The following TRDN variants were observed in gnomAD, a reference collection of about 807,000 sequenced individuals.
TRDN encodes triadin, also known as triadin in skeletal muscle.
TRDN carries 161 observed loss-of-function variants against 149.7 expected under a neutral mutation model. That is an observed-to-expected ratio of 1.08 (90% CI 0.95 to 1.23). TRDN has a LOEUF of 1.23. TRDN is among the 50% of genes most tolerant of loss of function. TRDN has a pLI of 0.00. For synonymous variants in TRDN, 294 were observed against 250.5 expected, an observed-to-expected ratio of 1.17 and a Z score of -1.64; for missense variants, 896 against 823.5, an observed-to-expected ratio of 1.09 and a Z score of -1.08.
intron 9 of TRDN, chr6:123,468,767 G>A (rs1322781319): frequency 6.6e-6 from 1 of 152,098 alleles, no homozygotes; most frequent in Non-Finnish European, 1.5e-5. Context: ...TGTAACAAAT[G>A]TTAAGGCTGT....
intron 20 of TRDN, among the ~76,000 whole-genome samples, chr6:123,364,924 C>T (rs1261520635): frequency 2.0e-5 from 3 of 152,220 alleles, no homozygotes; most frequent in Admixed American, 6.5e-5. Context: ...AAGTTTAACC[C>T]ACATTTCACT....
At chr6:123,603,046 A>G (rs1784351220) in intron 1 of TRDN, among the ~76,000 whole-genome samples, 1 of 146,430 alleles carries the variant, frequency 6.8e-6, no homozygotes, top group Middle Eastern at 3.8e-3. Context: ...TAAATTTCAG[A>G]TATTCAGAAC....
chr6:123,539,384 A>G (rs992042962), intron 4 of TRDN, among the ~76,000 whole-genome samples: 6 of 152,196 alleles, frequency 3.9e-5, no homozygotes, highest in African/African-American at 1.4e-4. Context: ...GCTCTAGTCC[A>G]GATGAAACTC....
chr6:123,234,014 G>T lies in TRDN; in HGVS notation c.1976-9883C>A, dbSNP rs1366578988. On this transcript the variant is annotated intron_variant, in intron 38 of 40. Coordinates refer to ENST00000334268, the MANE Select transcript of TRDN (RefSeq NM_006073.4). ...CTTAATCTACCCAAAATTTCTATGA[G>T]ATGAATATTATTATTCAAAATTTAA... Among the ~76,000 whole-genome samples the T allele has an allele frequency of 7.9e-5, 12 of 151,932 alleles. 1 individual carries two copies. Among genetic ancestry groups the T allele is most frequent in the Non-Finnish European group, 4.4e-5 (3 of 67,984 alleles).
chr6:123,339,124 C>T (rs1779976743), intron 21 of TRDN, among the ~76,000 whole-genome samples: 1 of 151,960 alleles, frequency 6.6e-6, no homozygotes. Flanking sequence ...CCTGCCTCAG[C>T]CTCCCAAGTA....
In TRDN at chr6:123,388,544, A is replaced by G; in HGVS notation, c.1113T>C (p.Ala371=). ...GTVKIAAQAA[A]KKDEKKEDSK... is the part of the protein sequence containing the mutation. ...TACCTTCCTTCTTTTCATCCTTCTT[A>G]GCTGCTGCTGAAGTAATGAAAATAG... Residue 371 remains alanine, a synonymous_variant, in exon 14 of 41, where the codon GCT becomes GCC. Coordinates refer to ENST00000334268, the MANE Select transcript of TRDN (RefSeq NM_006073.4). The G allele has an allele frequency of 6.3e-7, 1 of 1,586,314 alleles. No homozygotes were observed. The highest frequency in any genetic ancestry group is 1.1e-5 in the South Asian group (1 of 87,278).
At chr6:123,232,210 A>C (rs1000448880) in intron 38 of TRDN, among the ~76,000 whole-genome samples, 1 of 41,282 alleles carries the variant, frequency 2.4e-5, no homozygotes, top group Non-Finnish European at 5.3e-5. Flanking sequence ...AATAGACTGA[A>C]AAAAAAAAAT....
chr6:123,438,299 G>T (rs1342997905), intron 11 of TRDN, among the ~76,000 whole-genome samples, 177 bp from the exon 12 acceptor site: 1 of 151,008 alleles, frequency 6.6e-6, no homozygotes, highest in Admixed American at 6.6e-5. Context: ...AGTGGCTTAG[G>T]TATAATTTCT....
chr6:123,384,750 T>C (rs1057334933), intron 14 of TRDN, among the ~76,000 whole-genome samples: 1 of 152,204 alleles, frequency 6.6e-6, no homozygotes, highest in African/African-American at 2.4e-5. Context: ...GATAAAGTTA[T>C]GTATTTTCTT....
intron 4 of TRDN, among the ~76,000 whole-genome samples, chr6:123,542,296 C>T (rs955579421): frequency 2.0e-5 from 3 of 152,132 alleles, no homozygotes; most frequent in African/African-American, 7.2e-5. Flanking sequence ...GGAAATTAAA[C>T]ATAATGTAGA....
intron 12 of TRDN, among the ~76,000 whole-genome samples, chr6:123,403,235 A>T (rs1773055474): frequency 6.6e-6 from 1 of 152,202 alleles, no homozygotes; most frequent in South Asian, 2.1e-4. Context: ...TCAGGGTTAA[A>T]TAAAAAGAAA....
Position 123,548,622 on chromosome 6 carries a change from ATT to A in TRDN, c.233-12_233-11del, listed in dbSNP as rs1233023877. ...TTGGCAATAGAGCTTGCTAAAAGTAATTAAAAAAAAAAAAAAAGAAAAAGTTT... is the reference window on the plus strand; with the variant it reads ...TTGGCAATAGAGCTTGCTAAAAGTAAAAAAAAAAAAAAAAAGAAAAAGTTT... On this transcript the variant is annotated splice_polypyrimidine_tract_variant and intron_variant, in intron 2 of 40. Transcript: ENST00000334268. 3.1e-6 allele frequency: 4 copies of A among 1,296,758 alleles called. No individual in the cohort carries two copies. 80.3% of individuals were successfully genotyped at this position (1,296,758 alleles called of 1,614,324 possible).
chr6:123,221,536 A>C lies in TRDN; in HGVS notation c.2015-14T>G. ...CTTCAGTTCCTTCTAGTGGATAAAA[A>C]ATATAAAAGTAAATAACTTGTACAT... On this transcript the variant is annotated splice_polypyrimidine_tract_variant and intron_variant, in intron 39 of 40. Coordinates refer to ENST00000334268, the MANE Select transcript of TRDN (RefSeq NM_006073.4). 6.5e-7 allele frequency: 1 copy of C among 1,543,638 alleles called. No individual in the cohort carries two copies. Among genetic ancestry groups the C allele is most frequent in the Non-Finnish European group, 8.9e-7 (1 of 1,126,552 alleles).
At chr6:123,594,990 C>T (rs948533847) in intron 1 of TRDN, among the ~76,000 whole-genome samples, 53 of 150,866 alleles carry the variant, frequency 3.5e-4, no homozygotes, top group African/African-American at 1.2e-3. Flanking sequence ...ATGCAAATAG[C>T]GTTAAGTTGT....
intron 24 of TRDN, among the ~76,000 whole-genome samples, chr6:123,315,865 G>A (rs1030552265): frequency 6.6e-6 from 1 of 151,762 alleles, no homozygotes; most frequent in Admixed American, 6.6e-5. Flanking sequence ...TTCTTCCCTT[G>A]CAAAACCTGT....
At position 123,551,264 on chromosome 6, in the gene TRDN, A is replaced by G. The variant is rs920605769; in HGVS notation, c.233-2652T>C. ...TTGCCAAAGCAGGCTATTTTTATGAAGTTATCATTGCTAGCTTGAGATCAG... is the reference window on the plus strand; with the variant it reads ...TTGCCAAAGCAGGCTATTTTTATGAGGTTATCATTGCTAGCTTGAGATCAG... On this transcript the variant is annotated intron_variant, in intron 2 of 40. Transcript: ENST00000334268. Among the ~76,000 whole-genome samples the G allele has an allele frequency of 2.2e-4, 32 of 142,878 alleles. 1 individual carries two copies. The highest frequency in any genetic ancestry group is 4.5e-4 in the Non-Finnish European group (29 of 65,154). The allele number at this position is 142,878 out of a possible 152,430, so 93.7% of individuals were successfully genotyped here.
At chr6:123,585,121 T>G in intron 1 of TRDN, among the ~76,000 whole-genome samples, 1 of 145,714 alleles carries the variant, frequency 6.9e-6, no homozygotes, top group African/African-American at 2.5e-5. Flanking sequence ...GGAGTAGAGG[T>G]ATCTTATACT....
At chr6:123,456,057 C>T (rs980787272) in intron 10 of TRDN, among the ~76,000 whole-genome samples, 22 of 152,140 alleles carry the variant, frequency 1.4e-4, no homozygotes, top group African/African-American at 5.1e-4. Flanking sequence ...TTCAAAGATA[C>T]TGCTATTTTT....
At position 123,245,419 on chromosome 6, in the gene TRDN, G is replaced by GA. The variant is rs990102727; in HGVS notation, c.1975+6992dup. Among the ~76,000 whole-genome samples the GA allele has an allele frequency of 1.5e-4, 22 of 149,208 alleles. No individual in the cohort carries two copies. In the South Asian group the frequency reaches 3.6e-3, roughly 24 times the overall value. The stretch of plus-strand genomic sequence containing the variant: ...GGAAGATTTACCAAGCAAATGGAAA[G>GA]AAAAAAAAAGCAGGGGTAGCAAATC... On this transcript the variant is annotated intron_variant, in intron 38 of 40. Coordinates refer to ENST00000334268, the MANE Select transcript of TRDN (RefSeq NM_006073.4).
Sources: allele counts gnomAD v4.1 joint callset (sites outside exome capture counted in the v4.1 genomes callset), GRCh38; gene constraint gnomAD v4.1.1; transcripts MANE v1.5; gene names NCBI Gene and HGNC (gene_info 2026-07-23, HGNC 2026-07-21).